The following LRRK2 variants were observed in gnomAD, a reference collection of about 807,000 sequenced individuals.
LRRK2 encodes leucine rich repeat kinase 2, also known as leucine-rich repeat serine/threonine-protein kinase 2.
A neutral mutation model predicts 302.6 loss-of-function variants in LRRK2; 203 were observed. That is an observed-to-expected ratio of 0.67 (90% CI 0.60 to 0.75). LRRK2 has a LOEUF of 0.75. LRRK2 is among the 30% of genes least tolerant of loss of function. The pLI is 0.00. For missense variants in LRRK2, 2,830 were observed against 2,951.0 expected, an observed-to-expected ratio of 0.96 and a Z score of 0.95; for synonymous variants, 1,066 against 1,031.9, an observed-to-expected ratio of 1.03 and a Z score of -0.63.
At position 40,356,071 on chromosome 12, in the gene LRRK2, C is replaced by A. The variant is rs527933779; in HGVS notation, c.6771-44C>A. 2.8e-5 allele frequency: 39 copies of A among 1,371,352 alleles called. No individual in the cohort carries two copies. The South Asian group carries it at 4.5e-4, about 16-fold the overall frequency. The allele number at this position is 1,371,352 out of a possible 1,614,324, so 84.9% of individuals were successfully genotyped here. On this transcript the variant is annotated intron_variant, in intron 45 of 50. Transcript: ENST00000298910. ...AGAACATTAAGGCCATTTTAGTCAA[C>A]ATACATGTTCTTTTTGTAACAATTT...
intron 19 of LRRK2, among the ~76,000 whole-genome samples, chr12:40,286,898 T>G (rs1474270876): frequency 6.6e-6 from 1 of 152,048 alleles, no homozygotes; most frequent in African/African-American, 2.4e-5. Flanking sequence ...TATTTAGCAG[T>G]TTATGTGTTC....
chr12:40,344,174 A>T (rs1254097900), intron 41 of LRRK2, among the ~76,000 whole-genome samples: 1 of 152,136 alleles, frequency 6.6e-6, no homozygotes, highest in Admixed American at 6.5e-5. Context: ...TTGTAAAAGG[A>T]TGTGTGCACT....
At chr12:40,314,303 T>A in intron 32 of LRRK2, 130 bp downstream of exon 32, 1 of 932,344 alleles carries the variant, frequency 1.1e-6, no homozygotes, top group Non-Finnish European at 1.7e-6. Flanking sequence ...GGCCACTGAT[T>A]TTTTTCTTTT....
chr12:40,360,997 C>T (rs1188089955), intron 47 of LRRK2, among the ~76,000 whole-genome samples: 6 of 152,102 alleles, frequency 3.9e-5, no homozygotes, highest in Non-Finnish European at 4.4e-5. Flanking sequence ...AGTAGTTTCT[C>T]AATACCACTA....
intron 8 of LRRK2, 72 bp from the exon 9 acceptor site, chr12:40,251,160 A>C (rs1404022602): frequency 1.9e-6 from 2 of 1,031,876 alleles, no homozygotes; most frequent in African/African-American, 1.6e-5. Context: ...CAAAATATGG[A>C]CTTAGAGTTG....
rs1466200215 is a variant in LRRK2 at position 40,251,431 on chromosome 12, T to C, written c.1102-34T>C. The C allele has an allele frequency of 1.9e-6, 3 of 1,612,024 alleles. No individual in the cohort carries two copies. The Admixed American group carries it at 5.0e-5, about 27-fold the overall frequency. ...AAATTATGTTTTCCAGTCATTTATA[T>C]TTTGACAGATTTCTTTTTTCTCCCC... On this transcript the variant is annotated intron_variant, in intron 9 of 50. Coordinates refer to ENST00000298910, the MANE Select transcript of LRRK2 (RefSeq NM_198578.4).
intron 7 of LRRK2, among the ~76,000 whole-genome samples, chr12:40,246,313 A>G (rs1941979108): frequency 6.6e-6 from 1 of 151,908 alleles, no homozygotes; most frequent in Admixed American, 6.6e-5. Context: ...GTTTTCTAAT[A>G]CTAAGCTACT....
chr12:40,366,860 T>C (rs1178365705), intron 49 of LRRK2, 146 bp from the exon 50 acceptor site: 2 of 609,122 alleles, frequency 3.3e-6, no homozygotes, highest in East Asian at 5.9e-5. Context: ...CTTTATTCAA[T>C]ATAATTGAAG....
chr12:40,271,067 G>A (rs562694783), intron 14 of LRRK2, among the ~76,000 whole-genome samples: 55 of 152,022 alleles, frequency 3.6e-4, no homozygotes, highest in South Asian at 6.2e-4. Flanking sequence ...GTGAGCCACC[G>A]TGACCAGCCT....
intron 7 of LRRK2, 46 bp downstream of exon 7, chr12:40,243,727 T>A: frequency 6.5e-7 from 1 of 1,548,710 alleles, no homozygotes; most frequent in Non-Finnish European, 8.9e-7. Context: ...ATGATATACA[T>A]ATACATATAA....
chr12:40,282,619 T>C (rs1211763991), intron 18 of LRRK2, among the ~76,000 whole-genome samples: 1 of 152,170 alleles, frequency 6.6e-6, no homozygotes, highest in Non-Finnish European at 1.5e-5. Flanking sequence ...AAGAATGTCC[T>C]GGAGCAGCAG....
At position 40,345,588 on chromosome 12, in the gene LRRK2, A is replaced by C. The variant is rs991269984; in HGVS notation, c.6110-1165A>C. On this transcript the variant is annotated intron_variant, in intron 41 of 50. Coordinates refer to ENST00000298910, the MANE Select transcript of LRRK2 (RefSeq NM_198578.4). ...CAGTAAGCCAAGATCACACCCCTGC[A>C]CTCCAGCCTGGGCAAGAGAGTGAGA... Among the ~76,000 whole-genome samples, 8 of 126,650 alleles carry C rather than the reference A, an allele frequency of 6.3e-5. No individual in the cohort carries two copies. The East Asian group carries it at 1.9e-3, about 30-fold the overall frequency. 83.1% of individuals were successfully genotyped at this position (126,650 alleles called of 152,430 possible).
At chr12:40,345,622 C>CAAAAAAAAAAAAAAAA (rs144415226) in intron 41 of LRRK2, among the ~76,000 whole-genome samples, 1 of 67,524 alleles carries the variant, frequency 1.5e-5, no homozygotes, top group African/African-American at 6.3e-5. Context: ...GACTCCATCT[C>CAAAAAAAAAAAAAAAA]AAAAAAAAAA....
chr12:40,282,037 TC>T (rs1943720539), intron 18 of LRRK2, among the ~76,000 whole-genome samples: 1 of 20,696 alleles, frequency 4.8e-5, no homozygotes, highest in African/African-American at 1.9e-4. Context: ...TCCCTTCCCT[TC>T]CCTTCCCTTC....
rs779958231 is a variant in LRRK2 at position 40,274,645 on chromosome 12, T to C, written c.1719T>C (p.Phe573=). 12 of 1,613,958 alleles carry C rather than the reference T, an allele frequency of 7.4e-6. No individual in the cohort carries two copies. The highest frequency in any genetic ancestry group is 1.0e-5 in the Non-Finnish European group (12 of 1,179,880). ...AAGTAATTTCTTCTATTGTACATTT[T>C]CCTGATGCATTAGAGATGTTATCCC... ...GLKVISSIVH[F]PDALEMLSLE... is the part of the protein sequence containing the mutation. The change falls in exon 15 of 51, where the codon TTT becomes TTC. Residue 573 remains phenylalanine, a synonymous_variant. Transcript: ENST00000298910.
chr12:40,248,601 T>G (rs943013802), intron 7 of LRRK2, among the ~76,000 whole-genome samples: 1 of 152,222 alleles, frequency 6.6e-6, no homozygotes, highest in African/African-American at 2.4e-5. Flanking sequence ...TAGTTAAAAT[T>G]AAAACCTCAA....
intron 3 of LRRK2, 56 bp from the exon 4 acceptor site, chr12:40,235,570 G>A (rs371856892): frequency 2.9e-5 from 35 of 1,214,946 alleles, no homozygotes; most frequent in East Asian, 2.1e-4. Flanking sequence ...ATGCAAATAA[G>A]CAAACTTTTG....
At chr12:40,244,964 G>T (rs549426128) in intron 7 of LRRK2, among the ~76,000 whole-genome samples, 1 of 146,790 alleles carries the variant, frequency 6.8e-6, no homozygotes, top group South Asian at 2.2e-4. Context: ...AGTTTCAAAG[G>T]TATCTCTGAA....
chr12:40,337,559 G>T (rs1945910243), intron 40 of LRRK2, among the ~76,000 whole-genome samples: 1 of 152,116 alleles, frequency 6.6e-6, no homozygotes, highest in South Asian at 2.1e-4. Context: ...CCGAAAGCAA[G>T]TATGCATTTG....
Sources: allele counts gnomAD v4.1 joint callset (sites outside exome capture counted in the v4.1 genomes callset), GRCh38; gene constraint gnomAD v4.1.1; transcripts MANE v1.5; gene names NCBI Gene and HGNC (gene_info 2026-07-23, HGNC 2026-07-21).